The following SPAG16 variants were observed in gnomAD, a reference collection of about 807,000 sequenced individuals.
SPAG16 encodes the protein sperm associated antigen 16, also known as sperm-associated antigen 16 protein.
Under a neutral mutation model 80.4 loss-of-function variants are expected in SPAG16, and 86 were observed. That is an observed-to-expected ratio of 1.07 (90% CI 0.90 to 1.28). The LOEUF (loss-of-function observed/expected upper bound fraction) is 1.28. Among genes scored for constraint, SPAG16 ranks in the 50% most tolerant of loss-of-function variants. The pLI is 0.00. For synonymous variants in SPAG16, 294 were observed against 265.9 expected (o/e 1.11, Z -1.03); for missense variants, 870 against 765.3 (o/e 1.14, Z -1.61).
chr2:214,386,444 T>C (rs1240256017), intron 15 of SPAG16, among the ~76,000 whole-genome samples: 1 of 152,042 alleles, frequency 6.6e-6, no homozygotes, highest in African/African-American at 2.4e-5. Context: ...GAACATTGTT[T>C]TTTAAGAAAC....
chr2:214,235,362 CTTAAA>C (rs1689003210), intron 15 of SPAG16, among the ~76,000 whole-genome samples: 1 of 152,020 alleles, frequency 6.6e-6, no homozygotes, highest in Non-Finnish European at 1.5e-5. Flanking sequence ...CCATAGCTTT[CTTAAA>C]TTAATATTTA....
At chr2:214,048,260 T>A (rs768007350) in intron 13 of SPAG16, among the ~76,000 whole-genome samples, 1 of 152,168 alleles carries the variant, frequency 6.6e-6, no homozygotes, top group Non-Finnish European at 1.5e-5. Context: ...ATTGCAGCAC[T>A]ATTCATGATA....
rs757389468 is a variant in SPAG16 at position 213,360,091 on chromosome 2, A to G, written c.763-3985A>G. ...AGATTCACTACAATTTGAGAAAGTC[A>G]AATTTAAATAGGAGGTGCTATTGCT... On this transcript the variant is annotated intron_variant, in intron 7 of 15. Coordinates refer to ENST00000331683, the MANE Select transcript of SPAG16 (RefSeq NM_024532.5). Among the ~76,000 whole-genome samples the G allele has an allele frequency of 3.9e-5, 6 of 152,202 alleles. 1 individual carries two copies. The South Asian group carries it at 1.2e-3, about 32-fold the overall frequency.
At chr2:213,765,580 C>A (rs779466057) in intron 10 of SPAG16, among the ~76,000 whole-genome samples, 47 of 147,140 alleles carry the variant, frequency 3.2e-4, no homozygotes, top group Non-Finnish European at 5.5e-4. Context: ...TACATTTATT[C>A]ATTCACAATG....
chr2:213,976,149 C>G (rs2045378247), intron 12 of SPAG16, among the ~76,000 whole-genome samples: 1 of 143,566 alleles, frequency 7.0e-6, no homozygotes, highest in Non-Finnish European at 1.5e-5. Context: ...CACACACACA[C>G]ACACACGTAT....
chr2:214,182,190 G>C (rs1346299323), intron 15 of SPAG16, among the ~76,000 whole-genome samples: 1 of 151,564 alleles, frequency 6.6e-6, no homozygotes, highest in Non-Finnish European at 1.5e-5. Context: ...AGAAGGGAAA[G>C]TAATAAAATC....
At chr2:213,608,338 C>A (rs1174400210) in intron 10 of SPAG16, among the ~76,000 whole-genome samples, 1 of 152,146 alleles carries the variant, frequency 6.6e-6, no homozygotes, top group East Asian at 1.9e-4. Context: ...CCCCACCCCA[C>A]AACAGTCCCC....
intron 9 of SPAG16, among the ~76,000 whole-genome samples, chr2:213,421,834 C>T (rs970112661): frequency 2.0e-5 from 3 of 152,246 alleles, no homozygotes; most frequent in East Asian, 1.9e-4. Flanking sequence ...GCTGGACACT[C>T]ATCAGGACGA....
intron 13 of SPAG16, among the ~76,000 whole-genome samples, chr2:214,059,245 T>G (rs1342729459): frequency 9.6e-6 from 1 of 104,552 alleles, no homozygotes; most frequent in Non-Finnish European, 2.1e-5. Flanking sequence ...TATATATGTA[T>G]GTATATATAT....
chr2:213,795,104 A>G (rs1474609220), intron 10 of SPAG16, among the ~76,000 whole-genome samples: 1 of 152,182 alleles, frequency 6.6e-6, no homozygotes, highest in Non-Finnish European at 1.5e-5. Context: ...CCATTTCAGT[A>G]TATCATTATA....
chr2:213,410,121 T>C lies in SPAG16; in HGVS notation c.942+35002T>C, dbSNP rs1340673647. Among the ~76,000 whole-genome samples the C allele has an allele frequency of 2.6e-5, 4 of 151,998 alleles. No individual in the cohort carries two copies. In the East Asian group the frequency reaches 7.8e-4, roughly 29 times the overall value. On this transcript the variant is annotated intron_variant, in intron 9 of 15. Transcript: ENST00000331683. ...AATCATCACACCCGAGTCAAGAATGTGCCACCCCCTCCAGAGTCGTGGGCC... is the reference window on the plus strand; with the variant it reads ...AATCATCACACCCGAGTCAAGAATGCGCCACCCCCTCCAGAGTCGTGGGCC...
In SPAG16 at chr2:213,588,998, A is replaced by G. The variant is rs573058765; in HGVS notation, c.1070+98908A>G. ...ATCTGATCAACTCCTTCTTGGAAAA[A>G]TAAACCTTATTATTCATAACTTTTT... On this transcript the variant is annotated intron_variant, in intron 10 of 15. Coordinates refer to ENST00000331683, the MANE Select transcript of SPAG16 (RefSeq NM_024532.5). Among the ~76,000 whole-genome samples the G allele has an allele frequency of 2.0e-3, 312 of 152,232 alleles. 2 individuals carry two copies. Among genetic ancestry groups the G allele is most frequent in the African/African-American group, 7.3e-3 (304 of 41,560 alleles).
Position 214,014,055 on chromosome 2 carries a change from T to C in SPAG16, c.1505T>C (p.Leu502Pro), listed in dbSNP as rs745726263. The change falls in exon 13 of 16, where the codon CTG becomes CCG. Residue 502 changes from leucine to proline, a missense_variant. Physicochemically the swap from Leu to Pro is moderately conservative, Grantham distance 98. Transcript: ENST00000331683. ...TLLTSSADKT[L>P]SIWDARTGIC... Reference sequence around the variant, plus strand: ...CTCACAAGCTCTGCAGACAAGACCCTGTCTATATGGGATGCAAGAACAGTA... The same window carrying C: ...CTCACAAGCTCTGCAGACAAGACCCCGTCTATATGGGATGCAAGAACAGTA... The C allele has an allele frequency of 4.3e-6, 7 of 1,613,050 alleles. No individual in the cohort carries two copies. In the African/African-American group the frequency reaches 9.3e-5, roughly 22 times the overall value.
intron 15 of SPAG16, among the ~76,000 whole-genome samples, chr2:214,207,578 C>T (rs926252644): frequency 6.6e-6 from 1 of 152,126 alleles, no homozygotes; most frequent in African/African-American, 2.4e-5. Context: ...TATTATTTCT[C>T]ATGCTTAGCT....
At chr2:214,254,787 G>T (rs112626079) in intron 15 of SPAG16, among the ~76,000 whole-genome samples, 6 of 18,602 alleles carry the variant, frequency 3.2e-4, no homozygotes, top group African/African-American at 9.5e-4. Flanking sequence ...ATATTTAGTT[G>T]GGGGAAAACT....
intron 13 of SPAG16, among the ~76,000 whole-genome samples, chr2:214,021,461 T>C (rs1337558070): frequency 2.6e-5 from 4 of 152,062 alleles, no homozygotes; most frequent in Non-Finnish European, 2.9e-5. Context: ...ACTCCCGTTT[T>C]TAAAACCATC....
intron 10 of SPAG16, among the ~76,000 whole-genome samples, chr2:213,645,823 A>G (rs976561532): frequency 6.6e-6 from 1 of 151,954 alleles, no homozygotes. Context: ...ATTAAGTGTC[A>G]CCTAAGATTT....
At chr2:213,558,116 G>A (rs1303682038) in intron 10 of SPAG16, among the ~76,000 whole-genome samples, 3 of 152,030 alleles carry the variant, frequency 2.0e-5, no homozygotes, top group Non-Finnish European at 2.9e-5. Context: ...CATTTTATTA[G>A]TTCCTTATAA....
intron 15 of SPAG16, among the ~76,000 whole-genome samples, chr2:214,267,633 G>A (rs1215278190): frequency 4.0e-5 from 6 of 151,634 alleles, no homozygotes; most frequent in African/African-American, 1.5e-4. Flanking sequence ...CAAGCACCAA[G>A]AGAAAATAAA....
Sources: allele counts gnomAD v4.1 joint callset (sites outside exome capture counted in the v4.1 genomes callset), GRCh38; gene constraint gnomAD v4.1.1; transcripts MANE v1.5; gene names NCBI Gene and HGNC (gene_info 2026-07-23, HGNC 2026-07-21).